DYNC1I1: variants seen among roughly 807,000 people sequenced by gnomAD.
The protein encoded by DYNC1I1 is dynein cytoplasmic 1 intermediate chain 1.
In DYNC1I1, 43 loss-of-function variants were observed where a neutral mutation model predicts 86.6. The ratio of observed to expected loss-of-function variants is 0.50; its 90% CI spans 0.39 to 0.64. DYNC1I1 has a LOEUF of 0.64. DYNC1I1 is among the 30% of genes least tolerant of loss of function. The probability of loss-of-function intolerance (pLI) is 0.00; values close to 1 mark genes in which losing one functional copy is unlikely to be tolerated. For synonymous variants in DYNC1I1, 262 were observed against 283.7 expected (o/e 0.92, Z 0.77); for missense variants, 604 against 788.8 (o/e 0.77, Z 2.81).
In DYNC1I1 at chr7:95,899,736, A is replaced by G. The variant is rs552044363; in HGVS notation, c.490+29738A>G. ...ACCACTTTCATTCAATGTTTCTAGC[A>G]TGTTAGGATATTTAAAGCACGGAGG... On this transcript the variant is annotated intron_variant, in intron 6 of 16. Coordinates refer to ENST00000447467, the MANE Select transcript of DYNC1I1 (RefSeq NM_001135556.2). 5.9e-5 allele frequency among the ~76,000 whole-genome samples: 9 copies of G among 152,322 alleles called. No homozygotes were observed. In the East Asian group the frequency reaches 1.5e-3, roughly 26 times the overall value.
Position 96,056,102 on chromosome 7 carries a change from G to A in DYNC1I1, c.1509+16681G>A, listed in dbSNP as rs577700026. Reference sequence around the variant, plus strand: ...CGGGTCACCAATCCAGGAGGGTTATGCATGAGACACTTGGCTTCCACCCAC... The same window carrying A: ...CGGGTCACCAATCCAGGAGGGTTATACATGAGACACTTGGCTTCCACCCAC... On this transcript the variant is annotated intron_variant, in intron 14 of 16. Coordinates refer to ENST00000447467, the MANE Select transcript of DYNC1I1 (RefSeq NM_001135556.2). The A allele has an allele frequency of 3.9e-5, 6 of 152,232 alleles. No homozygotes were observed. The South Asian group carries it at 1.0e-3, about 26-fold the overall frequency. 9.4% of individuals were successfully genotyped at this position (152,232 alleles called of 1,614,324 possible).
chr7:96,108,015 CA>C (rs1271369932), intron 16 of DYNC1I1, among the ~76,000 whole-genome samples: 1 of 152,016 alleles, frequency 6.6e-6, no homozygotes, highest in Non-Finnish European at 1.5e-5. Flanking sequence ...GCCTTTTCCC[CA>C]ATCTTTATGC....
chr7:95,939,813 G>A (rs1245070103), intron 6 of DYNC1I1, among the ~76,000 whole-genome samples: 4 of 152,100 alleles, frequency 2.6e-5, no homozygotes, highest in Non-Finnish European at 4.4e-5. Context: ...GGTTAATATT[G>A]TTATGTGTGA....
intron 6 of DYNC1I1, among the ~76,000 whole-genome samples, chr7:95,923,373 TAGAG>T (rs897365154): frequency 7.2e-5 from 11 of 152,038 alleles, no homozygotes; most frequent in Admixed American, 6.6e-4. Context: ...TTTTAAAAAA[TAGAG>T]AGACCCCCTA....
intron 6 of DYNC1I1, among the ~76,000 whole-genome samples, chr7:95,964,252 A>C (rs564821256): frequency 6.6e-6 from 1 of 152,306 alleles, no homozygotes; most frequent in South Asian, 2.1e-4. Flanking sequence ...CACTCCGAAG[A>C]TCTTATTTCC....
intron 6 of DYNC1I1, among the ~76,000 whole-genome samples, chr7:95,949,677 C>T (rs1023064815): frequency 5.3e-5 from 8 of 152,204 alleles, no homozygotes; most frequent in Admixed American, 6.5e-5. Context: ...CAGCATGGAG[C>T]TCTCATCAGT....
At chr7:95,967,231 A>G (rs1793038752) in intron 6 of DYNC1I1, among the ~76,000 whole-genome samples, 1 of 152,212 alleles carries the variant, frequency 6.6e-6, no homozygotes, top group Admixed American at 6.5e-5. Flanking sequence ...AATCTTAAAC[A>G]TAATAGTTCT....
At chr7:95,794,140 C>T (rs1307388308) in intron 1 of DYNC1I1, among the ~76,000 whole-genome samples, 1 of 152,146 alleles carries the variant, frequency 6.6e-6, no homozygotes, top group East Asian at 1.9e-4. Context: ...TGTTGCAAGT[C>T]CTTACTTCTT....
intron 5 of DYNC1I1, among the ~76,000 whole-genome samples, chr7:95,862,203 A>G (rs1257146789): frequency 6.6e-6 from 1 of 152,194 alleles, no homozygotes; most frequent in Non-Finnish European, 1.5e-5. Flanking sequence ...GATATATTGG[A>G]TTTTATTAAA....
chr7:96,076,163 G>A lies in DYNC1I1; in HGVS notation c.1616G>A (p.Arg539His), dbSNP rs747977134. 1 of 1,614,044 alleles carries A rather than the reference G, an allele frequency of 6.2e-7. No individual in the cohort carries two copies. Among genetic ancestry groups the A allele is most frequent in the African/African-American group, 1.3e-5 (1 of 74,936 alleles). ...ALFACVDGMG[R>H]LDLWNLNNDT... ...TTTGCCTGCGTGGACGGGATGGGGC[G>A]CTTGGACCTCTGGAACCTCAACAAT... Residue 539 changes from arginine (R) to histidine (H), a missense_variant, in exon 15 of 17, where the codon CGC becomes CAC. Transcript: ENST00000447467.
At chr7:96,040,752 C>T (rs1263459026) in intron 14 of DYNC1I1, among the ~76,000 whole-genome samples, 11 of 148,500 alleles carry the variant, frequency 7.4e-5, no homozygotes, top group African/African-American at 2.2e-4. Context: ...AACATAGTCT[C>T]GCTCTGTCAC....
At chr7:96,108,104 C>T (rs1273394108) in intron 16 of DYNC1I1, among the ~76,000 whole-genome samples, 1 of 152,004 alleles carries the variant, frequency 6.6e-6, no homozygotes, top group South Asian at 2.1e-4. Context: ...TAGGCTTTAT[C>T]AGGTAAAGTT....
At chr7:95,841,585 C>T (rs1388193040) in intron 5 of DYNC1I1, among the ~76,000 whole-genome samples, 1 of 151,838 alleles carries the variant, frequency 6.6e-6, no homozygotes, top group Non-Finnish European at 1.5e-5. Flanking sequence ...TCCCAAGCAG[C>T]AGATGAAAAA....
At position 95,977,581 on chromosome 7, in the gene DYNC1I1, A is replaced by G; in HGVS notation, c.560A>G (p.Lys187Arg). 1 of 1,613,282 alleles carries G rather than the reference A, an allele frequency of 6.2e-7. No homozygotes were observed. Among genetic ancestry groups the G allele is most frequent in the South Asian group, 1.1e-5 (1 of 90,800 alleles). The change falls in exon 7 of 17, where the codon AAA becomes AGA. Residue 187 changes from lysine to arginine, a missense_variant. By Grantham distance (26) the Lys-to-Arg change is conservative (BLOSUM62 2). Transcript: ENST00000447467. ...GACTCAGAACTGGAAAATCAGGACA[A>G]AAAACAGGAAGTGAAGGAAGGTATG... Reference protein sequence around the residue: ...GQDSELENQDKKQEVKEAPPR... With the variant: ...GQDSELENQDRKQEVKEAPPR...
chr7:96,030,459 G>T (rs545534930), intron 11 of DYNC1I1, among the ~76,000 whole-genome samples: 2 of 151,136 alleles, frequency 1.3e-5, no homozygotes, highest in Admixed American at 6.6e-5. Flanking sequence ...ACTCATGGAA[G>T]CACAGGCCAG....
intron 10 of DYNC1I1, among the ~76,000 whole-genome samples, chr7:96,026,337 C>T (rs1201042804): frequency 6.6e-6 from 1 of 151,926 alleles, no homozygotes; most frequent in Non-Finnish European, 1.5e-5. Context: ...GATAGGAGAT[C>T]TGGGTTTGGT....
At chr7:95,887,042 G>A (rs1336337363) in intron 6 of DYNC1I1, among the ~76,000 whole-genome samples, 1 of 152,140 alleles carries the variant, frequency 6.6e-6, no homozygotes, top group Non-Finnish European at 1.5e-5. Context: ...AGTGCAGGAC[G>A]CCTCGTGGGC....
intron 6 of DYNC1I1, among the ~76,000 whole-genome samples, chr7:95,973,936 A>T (rs1440812203): frequency 6.6e-6 from 1 of 152,248 alleles, no homozygotes; most frequent in Non-Finnish European, 1.5e-5. Context: ...ATAACTAATT[A>T]TCAGTGAATC....
At chr7:95,855,791 A>G (rs1461155632) in intron 5 of DYNC1I1, among the ~76,000 whole-genome samples, 1 of 152,188 alleles carries the variant, frequency 6.6e-6, no homozygotes, top group African/African-American at 2.4e-5. Context: ...AAAATATGGT[A>G]TAAAAGATAA....
Sources: gnomAD v4.1 joint callset for allele counts (sites outside exome capture counted in the v4.1 genomes callset) on GRCh38, gnomAD v4.1.1 for gene constraint, MANE v1.5 for transcripts, NCBI Gene and HGNC (gene_info 2026-07-23, HGNC 2026-07-21) for gene names.